KCNMA1: variants seen among roughly 807,000 people sequenced by gnomAD.
KCNMA1 encodes the protein potassium calcium-activated channel subfamily M alpha 1, also known as Calcium-activated potassium channel subunit alpha-1.
In KCNMA1, 29 loss-of-function variants were observed where a neutral mutation model predicts 140.0. The observed-to-expected ratio is 0.21, with a 90% confidence interval of 0.15 to 0.28. KCNMA1 has a LOEUF of 0.28. KCNMA1 is among the 10% of genes least tolerant of loss of function. The pLI is 1.00. For missense variants in KCNMA1, 880 were observed against 1,602.2 expected, an observed-to-expected ratio of 0.55 and a Z score of 7.70; for synonymous variants, 612 against 611.9, an observed-to-expected ratio of 1.00 and a Z score of 0.00.
intron 1 of KCNMA1, among the ~76,000 whole-genome samples, chr10:77,477,492 G>C (rs2154530467): frequency 6.6e-6 from 1 of 152,320 alleles, no homozygotes. Flanking sequence ...TTTTATTCCA[G>C]GAGCAAATGA....
intron 19 of KCNMA1, among the ~76,000 whole-genome samples, chr10:76,976,703 GC>G (rs751172445): frequency 4.6e-5 from 7 of 152,048 alleles, no homozygotes; most frequent in Non-Finnish European, 7.4e-5. Flanking sequence ...TAGAATCATT[GC>G]CCAACACTCC....
chr10:77,186,849 C>T (rs938827557), intron 3 of KCNMA1, among the ~76,000 whole-genome samples: 1 of 151,038 alleles, frequency 6.6e-6, no homozygotes, highest in Non-Finnish European at 1.5e-5. Flanking sequence ...ATGGGGAGAT[C>T]TGTAGGTAAC....
chr10:77,341,827 C>T (rs1210713930), intron 2 of KCNMA1, among the ~76,000 whole-genome samples: 8 of 152,206 alleles, frequency 5.3e-5, no homozygotes, highest in African/African-American at 1.7e-4. Context: ...CCCTTTCTGG[C>T]CTACCCCAGG....
At chr10:77,249,960 C>T (rs575143208) in intron 3 of KCNMA1, 15 of 152,228 alleles carry the variant, frequency 9.9e-5, no homozygotes, top group African/African-American at 3.4e-4. Context: ...GGCTGAAGGA[C>T]CTCTGATAGG....
chr10:77,079,768 G>T (rs1324839744), intron 12 of KCNMA1: 1 of 588,778 alleles, frequency 1.7e-6, no homozygotes, highest in Non-Finnish European at 3.0e-6. Flanking sequence ...CCAGCAGTGT[G>T]CCCTGTCAGT....
At chr10:77,008,308 A>T (rs1234973827) in intron 18 of KCNMA1, 2 of 1,057,980 alleles carry the variant, frequency 1.9e-6, no homozygotes, top group Non-Finnish European at 2.7e-6. Context: ...CTTCAAACAC[A>T]TCAAACTAGA....
At chr10:77,022,086 T>C (rs1191838929) in intron 16 of KCNMA1, among the ~76,000 whole-genome samples, 1 of 152,172 alleles carries the variant, frequency 6.6e-6, no homozygotes, top group Non-Finnish European at 1.5e-5. Context: ...ATCTTTAGAA[T>C]TCGTTATTGA....
chr10:77,024,259 G>A (rs1445117627), intron 16 of KCNMA1, among the ~76,000 whole-genome samples: 2 of 152,114 alleles, frequency 1.3e-5, no homozygotes, highest in African/African-American at 4.8e-5. Context: ...GCAAAGTGTT[G>A]CAGTAACTTC....
chr10:77,636,432 T>A (rs1017211917), intron 1 of KCNMA1: 232 of 1,536,012 alleles, frequency 1.5e-4, no homozygotes, highest in Non-Finnish European at 1.9e-4. Context: ...GGGAAGACGC[T>A]CCGCGTAAAA....
intron 17 of KCNMA1, among the ~76,000 whole-genome samples, 187 bp downstream of exon 17, chr10:77,018,826 T>G (rs1218085238): frequency 6.6e-6 from 1 of 152,082 alleles, no homozygotes; most frequent in Non-Finnish European, 1.5e-5. Context: ...GTTCTAAAAT[T>G]TTATTATTCT....
intron 1 of KCNMA1, among the ~76,000 whole-genome samples, chr10:77,505,222 G>A (rs2045399506): frequency 1.3e-5 from 2 of 152,234 alleles, no homozygotes; most frequent in African/African-American, 4.8e-5. Flanking sequence ...CTCACCAGCA[G>A]GAACCAGTCC....
chr10:77,314,447 C>T (rs1198775637), intron 2 of KCNMA1, among the ~76,000 whole-genome samples: 1 of 152,144 alleles, frequency 6.6e-6, no homozygotes. Flanking sequence ...GAGATGAGAT[C>T]GATTCCATTT....
chr10:77,440,359 A>G (rs10762759), intron 1 of KCNMA1, among the ~76,000 whole-genome samples: 39,487 of 151,962 alleles, frequency 0.26, 6,699 homozygotes, highest in African/African-American at 0.48. Flanking sequence ...GAGGAGAGAA[A>G]TTAAAACTTT....
At chr10:76,927,700 T>G (rs559641086) in intron 23 of KCNMA1, among the ~76,000 whole-genome samples, 58 of 152,302 alleles carry the variant, frequency 3.8e-4, no homozygotes, top group Non-Finnish European at 7.5e-4. Flanking sequence ...ACAACATTGC[T>G]GACACCATTA....
In KCNMA1 at chr10:77,333,420, GAAAGAGAAGAAAAGA is replaced by G. The variant is rs2087458284; in HGVS notation, c.540+70427_540+70441del. On this transcript the variant is annotated intron_variant, in intron 2 of 27. Coordinates refer to ENST00000286628, the MANE Select transcript of KCNMA1 (RefSeq NM_001161352.2). ...AGAAAGAAAAGAAAAGAAAAGAAAAGAAAGAGAAGAAAAGAAAAGAGAAGAAAAGAAAAGAAAAGG... is the reference window on the plus strand; with the variant it reads ...AGAAAGAAAAGAAAAGAAAAGAAAAGAAAGAGAAGAAAAGAAAAGAAAAGG... 3.0e-5 allele frequency among the ~76,000 whole-genome samples: 4 copies of G among 131,728 alleles called. No homozygotes were observed. In the South Asian group the frequency reaches 9.9e-4, roughly 33 times the overall value. The allele number at this position is 131,728 out of a possible 152,430, so 86.4% of individuals were successfully genotyped here. A position where few individuals can be genotyped will look rare whatever the true frequency, so the allele number is the denominator to read the frequency against.
intron 19 of KCNMA1, among the ~76,000 whole-genome samples, chr10:76,984,715 A>T (rs907700397): frequency 1.2e-5 from 1 of 83,910 alleles, no homozygotes; most frequent in Non-Finnish European, 3.0e-5. Flanking sequence ...TCAGTGCTGA[A>T]TCCAGTATTG....
At chr10:77,114,680 CT>C (rs1294819629) in intron 6 of KCNMA1, among the ~76,000 whole-genome samples, 3 of 152,240 alleles carry the variant, frequency 2.0e-5, no homozygotes, top group Non-Finnish European at 4.4e-5. Context: ...TTCCATCCAT[CT>C]GCAAGACAAA....
chr10:77,492,350 C>T (rs1302022180), intron 1 of KCNMA1, among the ~76,000 whole-genome samples: 2 of 152,170 alleles, frequency 1.3e-5, no homozygotes, highest in East Asian at 1.9e-4. Context: ...TCTGATTCCC[C>T]ATAATGAAAG....
chr10:77,123,022 A>G (rs1224530305), intron 5 of KCNMA1, among the ~76,000 whole-genome samples: 1 of 146,450 alleles, frequency 6.8e-6, no homozygotes, highest in Non-Finnish European at 1.5e-5. Flanking sequence ...ACTAAAAAAC[A>G]CAAAAAAATT....
Sources: allele counts gnomAD v4.1 joint callset (sites outside exome capture counted in the v4.1 genomes callset), GRCh38; gene constraint gnomAD v4.1.1; transcripts MANE v1.5; gene names NCBI Gene and HGNC (gene_info 2026-07-23, HGNC 2026-07-21).